Variants in SLC25A21 observed in about 807,000 individuals in gnomAD.
SLC25A21 encodes mitochondrial 2-oxodicarboxylate carrier.
In SLC25A21, 47 loss-of-function variants were observed where a neutral mutation model predicts 43.8. That is an observed-to-expected ratio of 1.07 (90% CI 0.85 to 1.37). The LOEUF (loss-of-function observed/expected upper bound fraction) is 1.37, where lower values mean the gene tolerates loss of function less well. Ranked by LOEUF, SLC25A21 falls within the 40% of genes most tolerant of loss-of-function variation. SLC25A21 has a pLI of 0.00. For missense variants in SLC25A21, 352 were observed against 350.2 expected (o/e 1.00, Z -0.04); for synonymous variants, 131 against 121.3 (o/e 1.08, Z -0.52).
At chr14:37,099,024 A>C (rs988235097) in intron 1 of SLC25A21, among the ~76,000 whole-genome samples, 28 of 151,982 alleles carry the variant, frequency 1.8e-4, no homozygotes, top group Non-Finnish European at 3.5e-4. Context: ...GCTGGTCTTG[A>C]ACCCCCGACC....
chr14:36,848,249 C>G (rs190495476), intron 2 of SLC25A21, among the ~76,000 whole-genome samples: 112 of 152,310 alleles, frequency 7.4e-4, no homozygotes, highest in Non-Finnish European at 5.3e-4. Context: ...TAAGGCACAA[C>G]AAGATTTTTA....
At chr14:37,021,491 C>T (rs993140690) in intron 1 of SLC25A21, among the ~76,000 whole-genome samples, 6 of 151,812 alleles carry the variant, frequency 4.0e-5, no homozygotes, top group Non-Finnish European at 7.4e-5. Flanking sequence ...AGCCACTAAC[C>T]CTCCTCTTCC....
intron 1 of SLC25A21, among the ~76,000 whole-genome samples, chr14:36,931,211 T>C (rs1030802840): frequency 2.6e-5 from 4 of 152,274 alleles, no homozygotes; most frequent in Non-Finnish European, 4.4e-5. Context: ...TTTGCATTGA[T>C]GTGATGAAAA....
chr14:36,870,960 G>C (rs1030103988), intron 2 of SLC25A21: 11 of 152,160 alleles, frequency 7.2e-5, no homozygotes, highest in African/African-American at 2.4e-4. Context: ...CCTAATGATA[G>C]GTTGGGTGAA....
intron 2 of SLC25A21, among the ~76,000 whole-genome samples, chr14:36,820,201 T>G (rs1442533038): frequency 6.6e-6 from 1 of 152,204 alleles, no homozygotes; most frequent in Non-Finnish European, 1.5e-5. Context: ...AGTGTTCCTG[T>G]GCTCTCTTCT....
At chr14:37,006,524 A>G (rs1231859660) in intron 1 of SLC25A21, among the ~76,000 whole-genome samples, 1 of 152,128 alleles carries the variant, frequency 6.6e-6, no homozygotes, top group African/African-American at 2.4e-5. Context: ...TTGTAAGAAT[A>G]GAACCTCTAG....
At chr14:37,057,416 G>T (rs1961854329) in intron 1 of SLC25A21, among the ~76,000 whole-genome samples, 1 of 152,152 alleles carries the variant, frequency 6.6e-6, no homozygotes, top group South Asian at 2.1e-4. Context: ...CTACAAAAAG[G>T]ACAAATTGTT....
At chr14:37,075,796 C>T (rs1037176655) in intron 1 of SLC25A21, among the ~76,000 whole-genome samples, 2 of 152,202 alleles carry the variant, frequency 1.3e-5, no homozygotes, top group African/African-American at 2.4e-5. Context: ...TAATAACAGA[C>T]AGATGATGGT....
At chr14:37,052,325 C>T (rs998931661) in intron 1 of SLC25A21, among the ~76,000 whole-genome samples, 3 of 152,100 alleles carry the variant, frequency 2.0e-5, no homozygotes, top group Non-Finnish European at 2.9e-5. Flanking sequence ...AGGTCCAAAC[C>T]GGGCTATGCA....
chr14:37,014,439 A>C (rs1259733336), intron 1 of SLC25A21, among the ~76,000 whole-genome samples: 1 of 152,146 alleles, frequency 6.6e-6, no homozygotes, highest in Non-Finnish European at 1.5e-5. Flanking sequence ...CTCATCCATA[A>C]GAAGCAACTT....
chr14:36,765,959 T>C (rs1006205640), intron 3 of SLC25A21, among the ~76,000 whole-genome samples: 2 of 152,126 alleles, frequency 1.3e-5, no homozygotes, highest in Admixed American at 1.3e-4. Flanking sequence ...AGCTAATTTT[T>C]CCACCCATCT....
intron 1 of SLC25A21, among the ~76,000 whole-genome samples, chr14:37,088,147 T>C (rs550977596): frequency 6.6e-6 from 1 of 152,346 alleles, no homozygotes; most frequent in South Asian, 2.1e-4. Context: ...GTATATACAG[T>C]ATATTTTTCC....
chr14:37,070,540 T>G (rs1962150165), intron 1 of SLC25A21, among the ~76,000 whole-genome samples: 1 of 152,288 alleles, frequency 6.6e-6, no homozygotes, highest in South Asian at 2.1e-4. Flanking sequence ...CCCCCCCTTT[T>G]GATGCTACAC....
intron 2 of SLC25A21, among the ~76,000 whole-genome samples, chr14:36,860,234 G>A (rs943537654): frequency 2.0e-5 from 3 of 152,052 alleles, no homozygotes; most frequent in Admixed American, 1.3e-4. Context: ...TATGAAGGTC[G>A]AGAAGAAGCC....
intron 1 of SLC25A21, among the ~76,000 whole-genome samples, chr14:36,981,784 A>G (rs1034362318): frequency 3.3e-5 from 5 of 152,174 alleles, no homozygotes; most frequent in Non-Finnish European, 5.9e-5. Flanking sequence ...ACATGTATAC[A>G]TATGTAACAA....
chr14:37,145,777 G>A (rs1963654743), intron 1 of SLC25A21, among the ~76,000 whole-genome samples: 1 of 152,088 alleles, frequency 6.6e-6, no homozygotes, highest in Non-Finnish European at 1.5e-5. Context: ...GGAAAGCCAG[G>A]TATTAGGAAA....
intron 7 of SLC25A21, among the ~76,000 whole-genome samples, chr14:36,693,685 G>A (rs1882890457): frequency 2.0e-5 from 3 of 151,994 alleles, no homozygotes; most frequent in Admixed American, 6.6e-5. Flanking sequence ...CCAGCCTGGA[G>A]TGCAGTGGTG....
rs902438466 is a variant in SLC25A21, at chr14:37,143,622, G to C, written c.70+28659C>G. 2.7e-4 allele frequency among the ~76,000 whole-genome samples: 40 copies of C among 150,728 alleles called. 1 individual carries two copies. Among genetic ancestry groups the C allele is most frequent in the African/African-American group, 8.8e-4 (36 of 41,082 alleles). On this transcript the variant is annotated intron_variant, in intron 1 of 9. Transcript: ENST00000331299. The stretch of plus-strand genomic sequence containing the variant: ...TGTGTGTGTGTGTGTGTGTGTGTCT[G>C]TAATTTGTTTAAGAGGAACAAGTAT...
chr14:36,971,643 G>C (rs1387551052), intron 1 of SLC25A21, among the ~76,000 whole-genome samples: 1 of 151,998 alleles, frequency 6.6e-6, no homozygotes, highest in African/African-American at 2.4e-5. Flanking sequence ...GAGAGAGAGA[G>C]CTGCTCTCCT....
Sources: gnomAD v4.1 joint callset for allele counts (sites outside exome capture counted in the v4.1 genomes callset) on GRCh38, gnomAD v4.1.1 for gene constraint, MANE v1.5 for transcripts, NCBI Gene and HGNC (gene_info 2026-07-23, HGNC 2026-07-21) for gene names.